The following SLIT3 variants were observed in gnomAD, a reference collection of about 807,000 sequenced individuals.
SLIT3 encodes slit homolog 3 protein.
SLIT3 carries 68 observed loss-of-function variants against 184.0 expected under a neutral mutation model. That is an observed-to-expected ratio of 0.37 (90% confidence interval 0.30 to 0.45). The LOEUF is 0.45. Among genes scored for constraint, SLIT3 ranks in the 20% least tolerant of loss-of-function variants. SLIT3 has a pLI of 1.00. For missense variants in SLIT3, 1,707 were observed against 2,026.0 expected, an observed-to-expected ratio of 0.84 and a Z score of 3.02; for synonymous variants, 831 against 828.6, an observed-to-expected ratio of 1.00 and a Z score of -0.05.
intron 4 of SLIT3, among the ~76,000 whole-genome samples, chr5:169,180,112 G>T (rs1763110331): frequency 6.6e-6 from 1 of 152,186 alleles, no homozygotes. Context: ...TGCAGACAGG[G>T]TTGTCATGAG....
chr5:169,261,355 C>T (rs1766168482), intron 1 of SLIT3, among the ~76,000 whole-genome samples: 1 of 152,156 alleles, frequency 6.6e-6, no homozygotes, highest in African/African-American at 2.4e-5. Context: ...TATAAAAGCC[C>T]AGAGGCATTG....
chr5:168,751,104 G>A (rs1305276630), intron 18 of SLIT3, among the ~76,000 whole-genome samples: 1 of 152,098 alleles, frequency 6.6e-6, no homozygotes, highest in African/African-American at 2.4e-5. Context: ...CAAGGTTGGA[G>A]TGGGCTTGGA....
intron 20 of SLIT3, among the ~76,000 whole-genome samples, chr5:168,740,608 T>C (rs943219188): frequency 3.3e-5 from 5 of 152,120 alleles, no homozygotes; most frequent in Non-Finnish European, 7.4e-5. Context: ...TCTGCCAGCT[T>C]TCACTTTCTT....
In SLIT3 at chr5:168,786,976, C is replaced by T. The variant is rs72827645; in HGVS notation, c.1080-998G>A. ...TGCAATATTCAATTTTCACTCGGATCGCAATCCAGGCTGTAATCCTTCTTT... is the reference window on the plus strand; with the variant it reads ...TGCAATATTCAATTTTCACTCGGATTGCAATCCAGGCTGTAATCCTTCTTT... On this transcript the variant is annotated intron_variant, in intron 11 of 35. Transcript: ENST00000519560. Among the ~76,000 whole-genome samples the T allele has an allele frequency of 6.5e-3, 995 of 152,248 alleles. 8 individuals are homozygous for T. The highest frequency in any genetic ancestry group is 0.01 in the Non-Finnish European group (698 of 68,008).
At chr5:168,747,508 TTG>T (rs1479616842) in intron 20 of SLIT3, among the ~76,000 whole-genome samples, 3 of 151,694 alleles carry the variant, frequency 2.0e-5, no homozygotes, top group African/African-American at 7.3e-5. Context: ...TGTGTGTTGG[TTG>T]TGTGAGTGTG....
chr5:168,687,675 A>G (rs1023661347), intron 29 of SLIT3, among the ~76,000 whole-genome samples: 2 of 152,216 alleles, frequency 1.3e-5, no homozygotes, highest in Non-Finnish European at 2.9e-5. Flanking sequence ...TTTAAATGCA[A>G]TTGATAAATA....
intron 20 of SLIT3, among the ~76,000 whole-genome samples, chr5:168,726,835 A>C (rs1282423672): frequency 6.6e-6 from 1 of 151,528 alleles, no homozygotes; most frequent in African/African-American, 2.4e-5. Flanking sequence ...AAAACAAAAC[A>C]AAAATAAAAA....
chr5:169,216,836 C>T (rs947144526), intron 3 of SLIT3, among the ~76,000 whole-genome samples: 2 of 152,288 alleles, frequency 1.3e-5, no homozygotes, highest in East Asian at 3.9e-4. Context: ...CAGCAGCCCG[C>T]AGCAGTGCTG....
chr5:169,150,602 G>A (rs929566932), intron 4 of SLIT3, among the ~76,000 whole-genome samples: 7 of 152,066 alleles, frequency 4.6e-5, no homozygotes, highest in African/African-American at 1.7e-4. Flanking sequence ...AGTAATGTCT[G>A]TTTTAATCGC....
At chr5:169,269,365 C>T (rs1430215576) in intron 1 of SLIT3, among the ~76,000 whole-genome samples, 1 of 152,362 alleles carries the variant, frequency 6.6e-6, no homozygotes, top group East Asian at 1.9e-4. Flanking sequence ...CACTGGGCTC[C>T]TCCACTCTCT....
intron 6 of SLIT3, among the ~76,000 whole-genome samples, chr5:168,824,597 A>C (rs1296549323): frequency 6.6e-6 from 1 of 152,182 alleles, no homozygotes; most frequent in Non-Finnish European, 1.5e-5. Context: ...GGAGAGACAT[A>C]ATATGTGGGG....
At chr5:169,117,892 G>A (rs577178261) in intron 4 of SLIT3, among the ~76,000 whole-genome samples, 9 of 152,312 alleles carry the variant, frequency 5.9e-5, no homozygotes, top group East Asian at 5.8e-4. Context: ...AGGCCACAGC[G>A]CTTCCTAAGC....
chr5:169,294,259 G>GAA (rs11324544), intron 1 of SLIT3, among the ~76,000 whole-genome samples: 12 of 129,978 alleles, frequency 9.2e-5, no homozygotes, highest in African/African-American at 2.9e-4. Flanking sequence ...AATGAGCATT[G>GAA]AAAAAAAAAA....
intron 32 of SLIT3, among the ~76,000 whole-genome samples, chr5:168,674,606 C>T (rs1297442186): frequency 6.6e-6 from 1 of 151,356 alleles, no homozygotes; most frequent in Non-Finnish European, 1.5e-5. Context: ...ATTCTCCTGC[C>T]TCGGCCTCCT....
intron 3 of SLIT3, among the ~76,000 whole-genome samples, chr5:169,205,292 C>T (rs1189054208): frequency 6.6e-6 from 1 of 152,170 alleles, no homozygotes; most frequent in African/African-American, 2.4e-5. Flanking sequence ...GCCCTGGTTT[C>T]CTCCATCAAC....
intron 27 of SLIT3, among the ~76,000 whole-genome samples, chr5:168,699,754 C>T (rs1315031797): frequency 6.6e-6 from 1 of 152,186 alleles, no homozygotes; most frequent in Non-Finnish European, 1.5e-5. Flanking sequence ...GAAGATAATA[C>T]CTACCTACTG....
intron 12 of SLIT3, among the ~76,000 whole-genome samples, chr5:168,777,345 T>C (rs760116155): frequency 3.3e-5 from 5 of 152,208 alleles, no homozygotes; most frequent in Non-Finnish European, 7.3e-5. Flanking sequence ...TGCAGATTCA[T>C]AAGCCCAATT....
chr5:168,812,914 G>C (rs545028926), intron 8 of SLIT3, among the ~76,000 whole-genome samples: 126 of 151,984 alleles, frequency 8.3e-4, no homozygotes, highest in African/African-American at 2.6e-3. Context: ...GATGAAAAGG[G>C]AAAGTTTCTT....
At chr5:169,131,292 C>T (rs189717261) in intron 4 of SLIT3, among the ~76,000 whole-genome samples, 1 of 152,160 alleles carries the variant, frequency 6.6e-6, no homozygotes, top group Non-Finnish European at 1.5e-5. Context: ...GTTCTCCGAG[C>T]GCAGTACCTG....
Sources: allele counts gnomAD v4.1 joint callset (sites outside exome capture counted in the v4.1 genomes callset), GRCh38; gene constraint gnomAD v4.1.1; transcripts MANE v1.5; gene names NCBI Gene and HGNC (gene_info 2026-07-23, HGNC 2026-07-21).